The following RASA2 variants were observed in gnomAD, a reference collection of about 807,000 sequenced individuals.
The protein encoded by RASA2 is ras GTPase-activating protein 2.
A neutral mutation model predicts 118.2 loss-of-function variants in RASA2; 155 were observed. That is an observed-to-expected ratio of 1.31 (90% CI 1.15 to 1.50). The LOEUF (loss-of-function observed/expected upper bound fraction) is 1.50. Among genes scored for constraint, RASA2 ranks in the 40% most tolerant of loss-of-function variants. RASA2 has a pLI of 0.00. For missense variants in RASA2, 1,016 were observed against 1,009.6 expected (o/e 1.01, Z -0.09); for synonymous variants, 353 against 349.1 (o/e 1.01, Z -0.12).
intron 1 of RASA2, among the ~76,000 whole-genome samples, chr3:141,506,607 T>A (rs2081870651): frequency 6.6e-6 from 1 of 152,144 alleles, no homozygotes; most frequent in East Asian, 1.9e-4. Flanking sequence ...ATTTGAATGT[T>A]AAGAATTTGG....
intron 5 of RASA2, among the ~76,000 whole-genome samples, chr3:141,552,354 G>A (rs1016663259): frequency 6.6e-6 from 1 of 152,150 alleles, no homozygotes; most frequent in African/African-American, 2.4e-5. Context: ...GAAGGGCACT[G>A]GACTTCAGTA....
At chr3:141,503,297 A>G (rs1018464457) in intron 1 of RASA2, among the ~76,000 whole-genome samples, 21 of 152,160 alleles carry the variant, frequency 1.4e-4, no homozygotes, top group African/African-American at 5.1e-4. Flanking sequence ...GTACATACTC[A>G]CATACATGAA....
At chr3:141,487,588 G>A (rs1327153007) in intron 1 of RASA2, among the ~76,000 whole-genome samples, 2 of 152,060 alleles carry the variant, frequency 1.3e-5, no homozygotes, top group Non-Finnish European at 2.9e-5. Flanking sequence ...GCCGCCCTCA[G>A]ACTCAGGCCT....
chr3:141,495,726 A>G (rs1277968819), intron 1 of RASA2, among the ~76,000 whole-genome samples: 3 of 152,256 alleles, frequency 2.0e-5, no homozygotes, highest in Admixed American at 6.5e-5. Flanking sequence ...CCCTGCATCA[A>G]CAGTTGTACA....
chr3:141,508,667 T>C (rs2081905483), intron 1 of RASA2, among the ~76,000 whole-genome samples: 1 of 152,154 alleles, frequency 6.6e-6, no homozygotes, highest in South Asian at 2.1e-4. Context: ...GCATGACCAC[T>C]GCGCCCAGCC....
intron 17 of RASA2, among the ~76,000 whole-genome samples, chr3:141,581,468 A>ATAAT (rs1274524579): frequency 6.6e-6 from 1 of 152,214 alleles, no homozygotes; most frequent in African/African-American, 2.4e-5. Flanking sequence ...TTGGGGCCAG[A>ATAAT]TAATTCTTGA....
Position 141,555,853 on chromosome 3 carries a change from A to G in RASA2, c.625A>G (p.Lys209Glu). ...ACATTGGAACAGGAATGACCAAAAG[A>G]AGACAAAAGTAAAGAAGAAAACAAG... Reference protein sequence around the residue: ...LVGPSRNDQKKTKVKKKTSNP... With the variant: ...LVGPSRNDQKETKVKKKTSNP... Residue 209 changes from lysine (K) to glutamate (E), a missense_variant, in exon 7 of 24, where the codon AAG becomes GAG. This residue lies in a region of RASA2 where 896 missense variants were observed against 836.4 expected (regional missense o/e 1.07). Transcript: ENST00000286364. 1 of 1,612,460 alleles carries G rather than the reference A, an allele frequency of 6.2e-7. No homozygotes were observed. The highest frequency in any genetic ancestry group is 8.5e-7 in the Non-Finnish European group (1 of 1,179,044).
chr3:141,574,739 A>G (rs987847041), intron 14 of RASA2, among the ~76,000 whole-genome samples: 9 of 152,226 alleles, frequency 5.9e-5, no homozygotes, highest in African/African-American at 2.2e-4. Context: ...TATACCAACT[A>G]TCTTTTCCAG....
chr3:141,607,577 A>T, intron 19 of RASA2, 101 bp from the exon 20 acceptor site: 1 of 1,208,480 alleles, frequency 8.3e-7, no homozygotes, highest in Admixed American at 3.8e-5. Context: ...TTACACTCCT[A>T]CCATCAAGAG....
intron 14 of RASA2, among the ~76,000 whole-genome samples, chr3:141,575,661 C>T (rs1179189034): frequency 6.6e-6 from 1 of 151,242 alleles, no homozygotes; most frequent in Non-Finnish European, 1.5e-5. Context: ...TGGGCCTAGT[C>T]TACTCCAAAC....
chr3:141,554,740 G>A (rs1264677762), intron 6 of RASA2, among the ~76,000 whole-genome samples: 1 of 152,132 alleles, frequency 6.6e-6, no homozygotes, highest in Non-Finnish European at 1.5e-5. Flanking sequence ...ATTTATGTAT[G>A]TATGTAAAGT....
intron 19 of RASA2, among the ~76,000 whole-genome samples, chr3:141,593,010 C>T (rs183912240): frequency 6.6e-6 from 1 of 152,200 alleles, no homozygotes; most frequent in African/African-American, 2.4e-5. Flanking sequence ...TAGCAATTCT[C>T]TGAAGAATTT....
chr3:141,490,964 T>G (rs1009602480), intron 1 of RASA2, among the ~76,000 whole-genome samples: 4 of 152,198 alleles, frequency 2.6e-5, no homozygotes, highest in African/African-American at 9.7e-5. Context: ...ACACCGACCA[T>G]CTCTTAGGAA....
At chr3:141,496,147 C>G (rs137879515) in intron 1 of RASA2, among the ~76,000 whole-genome samples, 24 of 152,294 alleles carry the variant, frequency 1.6e-4, no homozygotes, top group African/African-American at 5.1e-4. Context: ...CCCTTCCTTA[C>G]ACCTTGTACA....
chr3:141,493,565 A>G (rs981784624), intron 1 of RASA2, among the ~76,000 whole-genome samples: 11 of 152,192 alleles, frequency 7.2e-5, no homozygotes, highest in Admixed American at 5.2e-4. Context: ...TAGATTAGCC[A>G]CATACCCTAC....
intron 5 of RASA2, among the ~76,000 whole-genome samples, chr3:141,545,746 C>T (rs116432286): frequency 0.13 from 19,580 of 151,828 alleles, 1,805 homozygotes; most frequent in East Asian, 0.24. Context: ...AAGCCTGGCC[C>T]TCTTTTAGTT....
intron 19 of RASA2, among the ~76,000 whole-genome samples, chr3:141,598,932 C>T (rs1346143685): frequency 6.6e-6 from 1 of 151,738 alleles, no homozygotes; most frequent in African/African-American, 2.4e-5. Context: ...TAAAAAATAC[C>T]AAAAAATCAG....
At chr3:141,518,224 T>C (rs562854914) in intron 3 of RASA2, among the ~76,000 whole-genome samples, 28 of 151,674 alleles carry the variant, frequency 1.8e-4, no homozygotes, top group African/African-American at 6.8e-4. Context: ...CAGTGGCTCA[T>C]GCCTGTAATC....
intron 1 of RASA2, among the ~76,000 whole-genome samples, chr3:141,501,934 T>C (rs547144303): frequency 7.9e-5 from 12 of 152,292 alleles, no homozygotes; most frequent in South Asian, 4.1e-4. Flanking sequence ...CCTGAAGTTC[T>C]ACTGTTCTGT....
Sources: allele counts gnomAD v4.1 joint callset (sites outside exome capture counted in the v4.1 genomes callset), GRCh38; gene constraint gnomAD v4.1.1; regional missense constraint gnomAD v4.1.1; transcripts MANE v1.5; gene names NCBI Gene and HGNC (gene_info 2026-07-23, HGNC 2026-07-21).